The following RNF212B variants were observed in gnomAD, a reference collection of about 807,000 sequenced individuals.
RNF212B encodes the protein ring finger protein 212B, also known as E3 ubiquitin-protein ligase RNF212B.
A neutral mutation model predicts 55.5 loss-of-function variants in RNF212B; 52 were observed. The ratio of observed to expected loss-of-function variants is 0.94; its 90% confidence interval spans 0.75 to 1.18. RNF212B has a LOEUF of 1.18. RNF212B is among the 50% of genes most tolerant of loss of function. The probability of loss-of-function intolerance (pLI) is 0.00; values close to 1 mark genes in which losing one functional copy is unlikely to be tolerated. For synonymous variants in RNF212B, 99 were observed against 121.4 expected, an observed-to-expected ratio of 0.82 and a Z score of 1.21; for missense variants, 289 against 350.4, an observed-to-expected ratio of 0.82 and a Z score of 1.40.
At chr14:23,247,077 C>T (rs564648600) in intron 4 of RNF212B, among the ~76,000 whole-genome samples, 31 of 151,286 alleles carry the variant, frequency 2.0e-4, no homozygotes, top group Admixed American at 7.9e-4. Flanking sequence ...GAGGTGGAGA[C>T]TGCGGTGAGC....
At chr14:23,260,800 C>T in intron 7 of RNF212B, 113 bp downstream of exon 7, 1 of 983,938 alleles carries the variant, frequency 1.0e-6, no homozygotes, top group South Asian at 1.5e-5. Flanking sequence ...ATTTAGCTTT[C>T]ACTTCTCCGA....
intron 2 of RNF212B, among the ~76,000 whole-genome samples, chr14:23,205,485 C>G (rs547624664): frequency 2.6e-5 from 4 of 152,006 alleles, no homozygotes; most frequent in African/African-American, 9.6e-5. Flanking sequence ...AATTCTTTAC[C>G]TAGATTATTT....
At chr14:23,234,648 T>C (rs181271960), upstream of RNF212B, among the ~76,000 whole-genome samples, 3 of 152,360 alleles carry the variant, frequency 2.0e-5, 1 homozygote, top group East Asian at 5.8e-4. Flanking sequence ...TCTGTTTCAT[T>C]GGTCTACACG....
At chr14:23,262,754 T>C (rs1220884754) in intron 8 of RNF212B, 43 bp downstream of exon 8, 57 of 1,525,690 alleles carry the variant, frequency 3.7e-5, no homozygotes, top group Non-Finnish European at 4.0e-5. Flanking sequence ...GAGATGAATA[T>C]CCTTTCCTTA....
chr14:23,232,035 C>T lies in RNF212B; in HGVS notation c.-1-8310C>T, dbSNP rs561015463. ...CCGCCTGCCTTGGCCTCCCAAAGTG[C>T]CGAGATTGCAGCCTCTGCCCGGCTG... On this transcript the variant is annotated intron_variant, in intron 2 of 15. Transcript: ENST00000399910. Among the ~76,000 whole-genome samples, 385 of 152,362 alleles carry T rather than the reference C, an allele frequency of 2.5e-3. 2 individuals carry two copies. Among genetic ancestry groups the T allele is most frequent in the African/African-American group, 8.8e-3 (366 of 41,598 alleles).
intron 4 of RNF212B, among the ~76,000 whole-genome samples, chr14:23,244,998 T>A (rs973336227): frequency 1.3e-5 from 2 of 152,176 alleles, no homozygotes; most frequent in Non-Finnish European, 2.9e-5. Context: ...AGGACAACCA[T>A]TTGAGAGAGT....
intron 6 of RNF212B, 22 bp from the exon 7 acceptor site, chr14:23,260,637 C>T (rs1885225351): frequency 1.9e-6 from 3 of 1,550,122 alleles, no homozygotes; most frequent in Non-Finnish European, 2.6e-6. Flanking sequence ...GCTTTCTTCA[C>T]TCCTGGTTTT....
At chr14:23,244,108 T>C (rs910428085) in intron 3 of RNF212B, among the ~76,000 whole-genome samples, 2 of 150,854 alleles carry the variant, frequency 1.3e-5, no homozygotes, top group African/African-American at 2.4e-5. Flanking sequence ...AAACAACAGA[T>C]GGAAGCATTA....
At chr14:23,267,118 A>C (rs1885761148) in intron 11 of RNF212B, among the ~76,000 whole-genome samples, 1 of 151,928 alleles carries the variant, frequency 6.6e-6, no homozygotes, top group Admixed American at 6.6e-5. Flanking sequence ...AAAGGCATGC[A>C]CCACCACGCC....
rs116167411 is a variant in RNF212B, at chr14:23,224,487, A to G, written c.-1-15858A>G. On this transcript the variant is annotated intron_variant, in intron 2 of 15. Transcript: ENST00000399910. ...ACTCATTTTGGGCAAGGATGCCAACAACGTACACTGGGGAAAAGACAGTCT... is the reference window on the plus strand; with the variant it reads ...ACTCATTTTGGGCAAGGATGCCAACGACGTACACTGGGGAAAAGACAGTCT... Among the ~76,000 whole-genome samples the G allele has an allele frequency of 4.5e-3, 688 of 152,320 alleles. 3 individuals are homozygous for G. Among genetic ancestry groups the G allele is most frequent in the African/African-American group, 0.015 (636 of 41,560 alleles).
chr14:23,197,435 G>A (rs1878830960), intron 2 of RNF212B, among the ~76,000 whole-genome samples: 2 of 152,200 alleles, frequency 1.3e-5, no homozygotes, highest in Non-Finnish European at 2.9e-5. Context: ...GTCGAGGCAT[G>A]AGAATTGCTT....
intron 2 of RNF212B, among the ~76,000 whole-genome samples, chr14:23,214,028 C>CA (rs1316010189): frequency 2.5e-4 from 38 of 152,132 alleles, no homozygotes; most frequent in Non-Finnish European, 4.4e-5. Flanking sequence ...GAGGCTAGCA[C>CA]AGGAGGATCA....
At chr14:23,220,363 C>A (rs889986663) in intron 2 of RNF212B, among the ~76,000 whole-genome samples, 1 of 152,026 alleles carries the variant, frequency 6.6e-6, no homozygotes, top group Admixed American at 6.6e-5. Flanking sequence ...AAAACCCCAT[C>A]TTTACTAAAA....
At chr14:23,269,204 T>TGAGGCAGGAGAATTGCTG (rs1285963951) in intron 12 of RNF212B, among the ~76,000 whole-genome samples, 1 of 152,154 alleles carries the variant, frequency 6.6e-6, no homozygotes, top group Non-Finnish European at 1.5e-5. Context: ...CTCGGGAGGT[T>TGAGGCAGGAGAATTGCTG]GAGGCAGGAG....
chr14:23,269,883 G>T lies in RNF212B; in HGVS notation c.695G>T (p.Gly232Val). The change falls in exon 13 of 15, where the codon GGA (glycine) becomes GTA (valine). Residue 232 changes from glycine to valine, a missense_variant. Coordinates refer to ENST00000430154, the MANE Select transcript of RNF212B (RefSeq NM_001282322.3). ...CTTAGAACTTCATCTGCCTCCTCTGGACAGGGGATTTTTTCTTTCAGACCA... is the reference window on the plus strand; with the variant it reads ...CTTAGAACTTCATCTGCCTCCTCTGTACAGGGGATTTTTTCTTTCAGACCA... ...LSYRTSSASS[G>V]QGIFSFRPSP... 6.5e-7 allele frequency: 1 copy of T among 1,546,814 alleles called. No homozygotes were observed. The highest frequency in any genetic ancestry group is 8.7e-7 in the Non-Finnish European group (1 of 1,143,774).
At chr14:23,226,595 C>T (rs1463603354) in intron 2 of RNF212B, among the ~76,000 whole-genome samples, 1 of 152,042 alleles carries the variant, frequency 6.6e-6, no homozygotes, top group Non-Finnish European at 1.5e-5. Context: ...CGCGCCACCA[C>T]ACTCCAGCCT....
intron 2 of RNF212B, among the ~76,000 whole-genome samples, chr14:23,216,074 A>G (rs1050690665): frequency 2.0e-5 from 3 of 149,106 alleles, no homozygotes; most frequent in African/African-American, 2.5e-5. Context: ...TGAAACCCCC[A>G]TCTCTACTAA....
chr14:23,258,516 A>T, intron 4 of RNF212B, 33 bp from the exon 5 acceptor site: 1 of 1,032,108 alleles, frequency 9.7e-7, no homozygotes, highest in Non-Finnish European at 1.4e-6. Flanking sequence ...GAGTTATGGG[A>T]GAGTATGTCA....
chr14:23,191,815 C>T (rs1292258470), intron 1 of RNF212B, among the ~76,000 whole-genome samples: 1 of 152,176 alleles, frequency 6.6e-6, no homozygotes, highest in Non-Finnish European at 1.5e-5. Context: ...AGGCCTAGAG[C>T]AGTTCTTGGC....
Sources: gnomAD v4.1 joint callset for allele counts (sites outside exome capture counted in the v4.1 genomes callset) on GRCh38, gnomAD v4.1.1 for gene constraint, MANE v1.5 for transcripts, NCBI Gene and HGNC (gene_info 2026-07-23, HGNC 2026-07-21) for gene names.